DACH2: variants seen among roughly 807,000 people sequenced by gnomAD.
DACH2 encodes the protein dachshund family transcription factor 2.
In DACH2, 17 loss-of-function variants were observed where a neutral mutation model predicts 35.8. The observed-to-expected ratio is 0.48, with a 90% CI of 0.33 to 0.71. DACH2 has a LOEUF of 0.71. Ranked by LOEUF, DACH2 falls within the 30% of genes least tolerant of loss-of-function variation. The pLI is 0.02. For synonymous variants in DACH2, 195 were observed against 177.3 expected (o/e 1.10, Z -0.79); for missense variants, 469 against 472.7 (o/e 0.99, Z 0.07).
chrX:86,632,421 G>T (rs1285231016), intron 3 of DACH2, among the ~76,000 whole-genome samples: 2 of 109,313 alleles, frequency 1.8e-5, no homozygotes, highest in African/African-American at 3.3e-5. Flanking sequence ...TAACACTTAA[G>T]AACTTCTCTC....
chrX:86,452,158 G>A (rs938701575), intron 2 of DACH2, among the ~76,000 whole-genome samples: 5 of 111,806 alleles, frequency 4.5e-5, no homozygotes, highest in African/African-American at 1.6e-4. Flanking sequence ...AACTAGCTTT[G>A]CATCCCAGAG....
intron 2 of DACH2, among the ~76,000 whole-genome samples, chrX:86,428,249 A>T (rs774657310): frequency 5.4e-5 from 6 of 112,115 alleles, no homozygotes; most frequent in African/African-American, 1.9e-4. Flanking sequence ...AAATAATGAT[A>T]AAAAAGTTAA....
chrX:86,606,410 AT>A (rs56661489), intron 3 of DACH2, among the ~76,000 whole-genome samples: 1,490 of 108,686 alleles, frequency 0.014, 29 homozygotes, highest in African/African-American at 0.047. Flanking sequence ...GTTTCAAGAA[AT>A]TTTTTCAATT....
chrX:86,574,512 A>T (rs2039412126), intron 3 of DACH2, among the ~76,000 whole-genome samples: 1 of 111,440 alleles, frequency 9.0e-6, no homozygotes, highest in Admixed American at 9.6e-5. Flanking sequence ...AGAGATATAC[A>T]TATTGCCATT....
chrX:86,676,795 T>G (rs1178960987), intron 4 of DACH2, among the ~76,000 whole-genome samples: 1 of 111,571 alleles, frequency 9.0e-6, no homozygotes, highest in Non-Finnish European at 1.9e-5. Flanking sequence ...TACTTTTAGG[T>G]TGTTGGTTTT....
intron 1 of DACH2, among the ~76,000 whole-genome samples, chrX:86,343,443 T>A (rs2035445992): frequency 8.9e-6 from 1 of 111,810 alleles, no homozygotes; most frequent in South Asian, 3.7e-4. Context: ...CCAATTTGCA[T>A]CATCTGCCCA....
At chrX:86,447,233 C>A (rs1298187831) in intron 2 of DACH2, among the ~76,000 whole-genome samples, 1 of 83,226 alleles carries the variant, frequency 1.2e-5, no homozygotes, top group Non-Finnish European at 2.3e-5. Context: ...AATTTTCTCC[C>A]ATGTTGTAGG....
intron 1 of DACH2, among the ~76,000 whole-genome samples, chrX:86,303,234 A>G (rs1304289740): frequency 9.2e-6 from 1 of 108,168 alleles, no homozygotes; most frequent in Non-Finnish European, 1.9e-5. Context: ...GGTCTTGCAC[A>G]AGGTTACTCT....
At chrX:86,404,852 T>C (rs2036498366) in intron 2 of DACH2, among the ~76,000 whole-genome samples, 1 of 112,282 alleles carries the variant, frequency 8.9e-6, no homozygotes, top group South Asian at 3.7e-4. Context: ...TCCAGGCATT[T>C]CCTTACATCC....
chrX:86,409,537 C>T (rs1051772080), intron 2 of DACH2, among the ~76,000 whole-genome samples: 7 of 110,528 alleles, frequency 6.3e-5, no homozygotes, highest in Non-Finnish European at 1.3e-4. Context: ...GTGTGTGGAA[C>T]CTTCCCCTTC....
At chrX:86,425,057 A>G (rs1355947036) in intron 2 of DACH2, among the ~76,000 whole-genome samples, 1 of 110,720 alleles carries the variant, frequency 9.0e-6, no homozygotes, top group East Asian at 2.8e-4. Flanking sequence ...TTTCTAATGT[A>G]TTGCTTAATT....
intron 1 of DACH2, among the ~76,000 whole-genome samples, chrX:86,187,417 GTTT>G (rs754834305): frequency 1.1e-5 from 1 of 91,288 alleles, no homozygotes; most frequent in African/African-American, 3.9e-5. Flanking sequence ...ATCTGACTTA[GTTT>G]TTTTTTTTTT....
chrX:86,618,285 T>C (rs1282340048), intron 3 of DACH2, among the ~76,000 whole-genome samples: 2 of 112,220 alleles, frequency 1.8e-5, no homozygotes, highest in South Asian at 3.7e-4. Context: ...AAAAGTATCA[T>C]ATTGCCAGAT....
chrX:86,433,593 A>G (rs2037019537), intron 2 of DACH2, among the ~76,000 whole-genome samples: 1 of 111,976 alleles, frequency 8.9e-6, no homozygotes, highest in Non-Finnish European at 1.9e-5. Flanking sequence ...AGAAAAGGAA[A>G]TGGAGCTTTG....
chrX:86,367,421 T>A (rs1569365320), intron 1 of DACH2, among the ~76,000 whole-genome samples: 1 of 111,548 alleles, frequency 9.0e-6, no homozygotes, highest in Non-Finnish European at 1.9e-5. Flanking sequence ...GCAATAACTT[T>A]AAATCAGAGG....
intron 1 of DACH2, among the ~76,000 whole-genome samples, chrX:86,284,295 G>T (rs979644720): frequency 9.0e-6 from 1 of 111,398 alleles, no homozygotes; most frequent in African/African-American, 3.3e-5. Context: ...TATTTATCAT[G>T]AAGGGGTGTT....
chrX:86,653,516 C>T (rs997642611), intron 4 of DACH2, among the ~76,000 whole-genome samples: 1 of 110,963 alleles, frequency 9.0e-6, no homozygotes, highest in Non-Finnish European at 1.9e-5. Flanking sequence ...GGAGTTTCTC[C>T]TGGCTATTTT....
chrX:86,604,677 C>G, intron 3 of DACH2, among the ~76,000 whole-genome samples: 1 of 111,522 alleles, frequency 9.0e-6, no homozygotes, highest in East Asian at 2.8e-4. Flanking sequence ...GACTTACCAG[C>G]TGATCTTAAA....
Position 86,640,457 on chromosome X carries a change from C to T in DACH2, c.641-10579C>T, listed in dbSNP as rs758955274. ...AAACCCCTGGCTTGGGCCCAAAGCA[C>T]AAACCTTCTCTCTTGGGCTGACTGG... On this transcript the variant is annotated intron_variant, in intron 3 of 11. Transcript: ENST00000373125. Among the ~76,000 whole-genome samples, 315 of 111,765 alleles carry T rather than the reference C, an allele frequency of 2.8e-3. 2 individuals are homozygous for T. The highest frequency in any genetic ancestry group is 4.9e-3 in the Non-Finnish European group (263 of 53,134).
Sources: gnomAD v4.1 joint callset for allele counts (sites outside exome capture counted in the v4.1 genomes callset) on GRCh38, gnomAD v4.1.1 for gene constraint, MANE v1.5 for transcripts, NCBI Gene and HGNC (gene_info 2026-07-23, HGNC 2026-07-21) for gene names.